The following SLC5A4 variants were observed in gnomAD, a reference collection of about 807,000 sequenced individuals.
SLC5A4 encodes probable glucose sensor protein SLC5A4.
A neutral mutation model predicts 70.3 loss-of-function variants in SLC5A4; 55 were observed. The ratio of observed to expected loss-of-function variants is 0.78; its 90% CI spans 0.63 to 0.98. The LOEUF is 0.98. SLC5A4 is among the 50% of genes least tolerant of loss of function. The pLI is 0.00. For synonymous variants in SLC5A4, 268 were observed against 305.7 expected, an observed-to-expected ratio of 0.88 and a Z score of 1.29; for missense variants, 735 against 839.2, an observed-to-expected ratio of 0.88 and a Z score of 1.53.
chr22:32,295,442 T>C, the SLC5A4 span, among the ~76,000 whole-genome samples: 2 of 112,278 alleles, frequency 1.8e-5, 1 homozygote, highest in East Asian at 4.7e-4. Flanking sequence ...TTCATGTTTT[T>C]TGGCTGCATA....
chr22:32,237,366 G>A (rs1926125173), intron 6 of SLC5A4, 42 bp from the exon 7 acceptor site: 3 of 1,368,558 alleles, frequency 2.2e-6, no homozygotes, highest in African/African-American at 1.5e-5. Flanking sequence ...TTATCCATGT[G>A]TCCTCATGTA....
the SLC5A4 span, chr22:32,272,468 T>C: frequency 2.6e-6 from 2 of 767,580 alleles, no homozygotes; most frequent in Non-Finnish European, 4.6e-6. Context: ...AACTTCATCC[T>C]GGCAGCCGAC....
At chr22:32,319,228 C>A in the SLC5A4 span, among the ~76,000 whole-genome samples, 1 of 152,068 alleles carries the variant, frequency 6.6e-6, no homozygotes, top group Non-Finnish European at 1.5e-5. Flanking sequence ...CTCAGGTCCT[C>A]GACTCACACT....
In SLC5A4 at chr22:32,219,630, C is replaced by CAAAAAA; in HGVS notation, c.1769-911_1769-906dup. Among the ~76,000 whole-genome samples, 269 of 28,858 alleles carry CAAAAAA rather than the reference C, an allele frequency of 9.3e-3. 12 individuals are homozygous for CAAAAAA. The highest frequency in any genetic ancestry group is 0.032 in the African/African-American group (126 of 3,880). The allele number at this position is 28,858 out of a possible 152,430, so 18.9% of individuals were successfully genotyped here. ...ATGAATGAGTTAATATCCAACTTAG[C>CAAAAAA]AAAAAAAAAAAAAAAAAAAAAAGAA... On this transcript the variant is annotated intron_variant, in intron 14 of 14. Transcript: ENST00000266086.
At chr22:32,336,027 G>C in the SLC5A4 span, among the ~76,000 whole-genome samples, 59,165 of 152,016 alleles carry the variant, frequency 0.39, 11,665 homozygotes, top group African/African-American at 0.44. Context: ...GGGTGAAATA[G>C]TGGGTGAAAT....
chr22:32,339,323 C>A, the SLC5A4 span, among the ~76,000 whole-genome samples: 3 of 152,146 alleles, frequency 2.0e-5, no homozygotes, highest in East Asian at 1.9e-4. Flanking sequence ...TGTTCCAGTC[C>A]TTACAATCAT....
chr22:32,280,653 T>TC, the SLC5A4 span, among the ~76,000 whole-genome samples: 2 of 152,174 alleles, frequency 1.3e-5, no homozygotes, highest in Non-Finnish European at 2.9e-5. Context: ...GTTCATGGCA[T>TC]CCCATGTCTA....
At chr22:32,251,731 G>C (rs774925687) in intron 3 of SLC5A4, 39 bp downstream of exon 3, 1 of 1,188,522 alleles carries the variant, frequency 8.4e-7, no homozygotes, top group South Asian at 1.2e-5. Context: ...CACTGGATAT[G>C]GTTTTGATTT....
the SLC5A4 span, among the ~76,000 whole-genome samples, chr22:32,288,673 A>G: frequency 1.3e-5 from 2 of 151,850 alleles, no homozygotes; most frequent in Non-Finnish European, 2.9e-5. Flanking sequence ...CAGCCACCCG[A>G]GTAGCTGGGA....
the SLC5A4 span, among the ~76,000 whole-genome samples, chr22:32,290,995 G>A: frequency 1.3e-5 from 2 of 152,082 alleles, no homozygotes; most frequent in Non-Finnish European, 2.9e-5. Context: ...TGCTGGATGT[G>A]TAGTGGTGTC....
chr22:32,272,540 T>A, the SLC5A4 span: 1 of 657,376 alleles, frequency 1.5e-6, no homozygotes, highest in East Asian at 2.7e-5. Flanking sequence ...CCTCGTCATG[T>A]GATGCCAAGA....
chr22:32,309,884 TCTATACCATGTGTG>T, the SLC5A4 span, among the ~76,000 whole-genome samples: 2 of 151,566 alleles, frequency 1.3e-5, no homozygotes, highest in Non-Finnish European at 2.9e-5. Context: ...CTGCAAGCTA[TCTATACCATGTGTG>T]CTGGGTCTCG....
At chr22:32,305,123 A>C in the SLC5A4 span, among the ~76,000 whole-genome samples, 1 of 151,980 alleles carries the variant, frequency 6.6e-6, no homozygotes, top group African/African-American at 2.4e-5. Flanking sequence ...CTGCTTTTCA[A>C]CTCATGTACC....
intron 1 of SLC5A4, among the ~76,000 whole-genome samples, chr22:32,254,507 T>C (rs970592941): frequency 5.3e-5 from 8 of 152,150 alleles, no homozygotes; most frequent in African/African-American, 1.9e-4. Flanking sequence ...ATGCTTGCAA[T>C]AAAATTTGCA....
the SLC5A4 span, among the ~76,000 whole-genome samples, chr22:32,287,813 T>C: frequency 4.6e-5 from 7 of 151,562 alleles, no homozygotes; most frequent in African/African-American, 1.7e-4. Flanking sequence ...TTGTTACCCC[T>C]ATCTGTCTTC....
chr22:32,341,369 C>T, the SLC5A4 span, among the ~76,000 whole-genome samples: 168 of 152,332 alleles, frequency 1.1e-3, no homozygotes, highest in African/African-American at 3.9e-3. Flanking sequence ...GCCTGTGGGG[C>T]AGAGGACCCA....
chr22:32,239,069 T>C lies in SLC5A4; in HGVS notation c.499A>G (p.Ile167Val), dbSNP rs1265927175. 6.2e-7 allele frequency: 1 copy of C among 1,613,736 alleles called. No individual in the cohort carries two copies. The highest frequency in any genetic ancestry group is 8.5e-7 in the Non-Finnish European group (1 of 1,179,826). ...LISADIFAGA[I>V]FIKLALGLDL... ...AATCCCAAGGCCAGCTTGATGAATA[T>C]GGCTCCAGCAAATATGTCTGCCTAA... The change falls in exon 6 of 15, where the codon ATA becomes GTA. Residue 167 changes from isoleucine to valine, a missense_variant. Coordinates refer to ENST00000266086, the MANE Select transcript of SLC5A4 (RefSeq NM_014227.3).
chr22:32,303,060 T>A, the SLC5A4 span, among the ~76,000 whole-genome samples: 18 of 152,198 alleles, frequency 1.2e-4, no homozygotes, highest in African/African-American at 4.3e-4. Context: ...CAGTGTTTTG[T>A]AGTTTTCAGG....
At chr22:32,342,580 AAATT>A in the SLC5A4 span, among the ~76,000 whole-genome samples, 1 of 152,194 alleles carries the variant, frequency 6.6e-6, no homozygotes, top group African/African-American at 2.4e-5. Flanking sequence ...ACTTCATATA[AAATT>A]AATTTAAAAA....
Sources: allele counts gnomAD v4.1 joint callset (sites outside exome capture counted in the v4.1 genomes callset), GRCh38; gene constraint gnomAD v4.1.1; transcripts MANE v1.5; gene names NCBI Gene and HGNC (gene_info 2026-07-23, HGNC 2026-07-21).